The following RP1 variants were observed in gnomAD, a reference collection of about 807,000 sequenced individuals.
RP1 encodes the protein oxygen-regulated protein 1.
Under a neutral mutation model 14.8 loss-of-function variants are expected in RP1, and 16 were observed. The observed-to-expected ratio is 1.08, with a 90% confidence interval of 0.73 to 1.65. RP1 has a LOEUF of 1.65. RP1 is among the 40% of genes most tolerant of loss of function. The probability of loss-of-function intolerance (pLI) is 0.00; values close to 1 mark genes in which losing one functional copy is unlikely to be tolerated. For missense variants in RP1, 2,631 were observed against 2,535.0 expected (o/e 1.04, Z -0.81); for synonymous variants, 876 against 883.6 (o/e 0.99, Z 0.15).
chr8:54,746,141 A>G (rs554596990), intron 19 of RP1, among the ~76,000 whole-genome samples: 2 of 152,348 alleles, frequency 1.3e-5, no homozygotes, highest in South Asian at 4.1e-4. Flanking sequence ...TCATCTTGTG[A>G]TAAACAATGC....
At chr8:54,775,482 A>C (rs1810012150) in intron 23 of RP1, among the ~76,000 whole-genome samples, 1 of 152,116 alleles carries the variant, frequency 6.6e-6, no homozygotes, top group Non-Finnish European at 1.5e-5. Context: ...CCTTATAGAG[A>C]AGTCTGCATG....
In RP1 at chr8:54,626,676, A is replaced by G. The variant is rs373573589; in HGVS notation, c.2794A>G (p.Ile932Val). 3.5e-5 allele frequency: 56 copies of G among 1,613,854 alleles called. No individual in the cohort carries two copies. The highest frequency in any genetic ancestry group is 4.4e-5 in the Non-Finnish European group (52 of 1,179,928). ...NINPYPTLKPIKSAPVCRNET... is the reference protein window; with the variant it reads ...NINPYPTLKPVKSAPVCRNET... ...AAATCCATATCCAACTTTAAAGCCT[A>G]TAAAATCAGCTCCAGTATGTAGAAA... Residue 932 changes from isoleucine (I) to valine (V), a missense_variant, in exon 4 of 4, where the codon ATA becomes GTA. Physicochemically the swap from Ile to Val is conservative, Grantham distance 29. Coordinates refer to ENST00000220676, the MANE Select transcript of RP1 (RefSeq NM_006269.2).
chr8:54,578,876 C>T (rs896488524), intron 1 of RP1, among the ~76,000 whole-genome samples: 4 of 152,156 alleles, frequency 2.6e-5, no homozygotes, highest in Non-Finnish European at 5.9e-5. Context: ...TAACAAAAGT[C>T]GTACATATTG....
At chr8:54,679,328 G>A (rs1019203820) in intron 9 of RP1, 7 of 1,140,504 alleles carry the variant, frequency 6.1e-6, no homozygotes, top group Non-Finnish European at 8.8e-6. Flanking sequence ...TCCCTTTCCT[G>A]CTATCTTGTA....
intron 1 of RP1, among the ~76,000 whole-genome samples, chr8:54,590,656 C>T (rs1350240502): frequency 6.6e-6 from 1 of 152,192 alleles, no homozygotes; most frequent in Non-Finnish European, 1.5e-5. Flanking sequence ...TTTAAATTCT[C>T]TTCCTAGAAA....
In RP1 at chr8:54,656,907, G is replaced by GAATA. The variant is rs1479416015; in HGVS notation, c.1171+704_1171+707dup. ...TAAAAATGTGATGTTTTAATTTTCT[G>GAATA]AATAAATAAATAAATGAGTAATATT... On this transcript the variant is annotated intron_variant, in intron 6 of 22. Transcript: ENST00000636932. Among the ~76,000 whole-genome samples, 5 of 151,746 alleles carry GAATA rather than the reference G, an allele frequency of 3.3e-5. No individual in the cohort carries two copies. In the East Asian group the frequency reaches 7.7e-4, roughly 23 times the overall value.
At chr8:54,651,384 G>A (rs1302584053) in intron 4 of RP1, among the ~76,000 whole-genome samples, 1 of 151,982 alleles carries the variant, frequency 6.6e-6, no homozygotes, top group African/African-American at 2.4e-5. Context: ...CACCAATGAA[G>A]CCTTCTGTCC....
intron 1 of RP1, among the ~76,000 whole-genome samples, chr8:54,565,201 G>A (rs1008640634): frequency 3.3e-5 from 5 of 152,180 alleles, no homozygotes; most frequent in African/African-American, 1.2e-4. Flanking sequence ...TATGCTACCT[G>A]TGATCTGCTC....
intron 25 of RP1, among the ~76,000 whole-genome samples, chr8:54,844,360 C>A (rs1001915125): frequency 1.3e-5 from 2 of 152,164 alleles, no homozygotes; most frequent in African/African-American, 4.8e-5. Context: ...TTGCACCAAC[C>A]TATAGAAGGA....
At chr8:54,795,153 G>GT (rs1309365788) in intron 24 of RP1, among the ~76,000 whole-genome samples, 5 of 151,954 alleles carry the variant, frequency 3.3e-5, no homozygotes, top group African/African-American at 1.2e-4. Flanking sequence ...GAATGTATCG[G>GT]TACAGACATT....
intron 24 of RP1, among the ~76,000 whole-genome samples, chr8:54,794,207 A>G (rs1333533469): frequency 3.9e-5 from 6 of 151,974 alleles, no homozygotes; most frequent in Admixed American, 1.3e-4. Flanking sequence ...AATATAAAAA[A>G]CAATCCAAAA....
At chr8:54,712,115 G>C (rs1261868290) in intron 15 of RP1, among the ~76,000 whole-genome samples, 2 of 152,136 alleles carry the variant, frequency 1.3e-5, no homozygotes, top group Non-Finnish European at 2.9e-5. Context: ...GAAACAAGGA[G>C]AGGGAAGGTC....
chr8:54,649,167 T>G, intron 4 of RP1: 1 of 1,454,800 alleles, frequency 6.9e-7, no homozygotes, highest in South Asian at 1.5e-5. Context: ...TAAAACTGAG[T>G]ATAAACTGTT....
intron 14 of RP1, chr8:54,706,372 A>G: frequency 6.9e-7 from 1 of 1,444,684 alleles, no homozygotes; most frequent in Non-Finnish European, 9.4e-7. Context: ...AATTGCCTCT[A>G]TAGTTGTCTC....
chr8:54,622,632 C>G (rs1176632425), intron 3 of RP1, among the ~76,000 whole-genome samples: 1 of 152,134 alleles, frequency 6.6e-6, no homozygotes, highest in Non-Finnish European at 1.5e-5. Flanking sequence ...GGAGTTTTCT[C>G]TAAATAGTAC....
chr8:54,789,297 T>C (rs1038107763), intron 24 of RP1, among the ~76,000 whole-genome samples: 1 of 152,218 alleles, frequency 6.6e-6, no homozygotes, highest in Non-Finnish European at 1.5e-5. Context: ...TCTGCAGTTA[T>C]GCCTGTCTTG....
At chr8:54,840,947 C>T (rs1359403779) in intron 25 of RP1, among the ~76,000 whole-genome samples, 1 of 152,094 alleles carries the variant, frequency 6.6e-6, no homozygotes, top group Non-Finnish European at 1.5e-5. Flanking sequence ...AGTCCAGTTG[C>T]CCCTTTCCCA....
intron 3 of RP1, among the ~76,000 whole-genome samples, chr8:54,648,073 GCT>G (rs770387019): frequency 4.6e-5 from 7 of 151,754 alleles, no homozygotes; most frequent in Non-Finnish European, 8.8e-5. Context: ...CTTCGCGTGT[GCT>G]CTCTCTCTCT....
intron 12 of RP1, among the ~76,000 whole-genome samples, chr8:54,693,176 T>C (rs1016818183): frequency 5.3e-5 from 8 of 152,182 alleles, no homozygotes; most frequent in East Asian, 1.9e-4. Flanking sequence ...CATTGGTCTA[T>C]ATCTCTGTTT....
Sources: allele counts gnomAD v4.1 joint callset (sites outside exome capture counted in the v4.1 genomes callset), GRCh38; gene constraint gnomAD v4.1.1; transcripts MANE v1.5; gene names NCBI Gene and HGNC (gene_info 2026-07-23, HGNC 2026-07-21).